The following SGCZ variants were observed in gnomAD, a reference collection of about 807,000 sequenced individuals.
SGCZ encodes the protein sarcoglycan zeta, also known as zeta-sarcoglycan.
In SGCZ, 40 loss-of-function variants were observed where a neutral mutation model predicts 41.3. The ratio of observed to expected loss-of-function variants is 0.97; its 90% CI spans 0.75 to 1.26. The LOEUF (loss-of-function observed/expected upper bound fraction) is 1.26. Among genes scored for constraint, SGCZ ranks in the 50% most tolerant of loss-of-function variants. The pLI is 0.00. For synonymous variants in SGCZ, 206 were observed against 137.5 expected (o/e 1.50, Z -3.49); for missense variants, 552 against 369.8 (o/e 1.49, Z -4.04).
At chr8:14,781,816 T>A (rs1208285744) in intron 1 of SGCZ, among the ~76,000 whole-genome samples, 3 of 152,170 alleles carry the variant, frequency 2.0e-5, no homozygotes, top group Non-Finnish European at 4.4e-5. Flanking sequence ...AACCTATAGT[T>A]GGGCAAAATC....
intron 6 of SGCZ, among the ~76,000 whole-genome samples, chr8:14,104,816 G>A (rs1238880780): frequency 2.6e-5 from 4 of 152,064 alleles, no homozygotes; most frequent in African/African-American, 4.8e-5. Context: ...ATATTTCTGT[G>A]TTAAGCTGTA....
At chr8:14,842,555 G>A (rs1036361639) in intron 1 of SGCZ, among the ~76,000 whole-genome samples, 1 of 151,946 alleles carries the variant, frequency 6.6e-6, no homozygotes, top group Non-Finnish European at 1.5e-5. Flanking sequence ...GAGAGAGAAA[G>A]CAGGGACACA....
chr8:15,066,276 CCGCAG>C (rs1285742954), intron 1 of SGCZ, among the ~76,000 whole-genome samples: 1 of 148,296 alleles, frequency 6.7e-6, no homozygotes, highest in East Asian at 2.0e-4. Context: ...CCACTGCAGT[CCGCAG>C]TCCGGCCTGG....
chr8:15,181,976 A>C (rs1006281158), intron 1 of SGCZ, among the ~76,000 whole-genome samples: 2 of 152,174 alleles, frequency 1.3e-5, no homozygotes, highest in Non-Finnish European at 2.9e-5. Flanking sequence ...AAAAGTCCTC[A>C]AACGATGGTG....
At chr8:15,148,209 A>G (rs1396147048) in intron 1 of SGCZ, among the ~76,000 whole-genome samples, 1 of 152,244 alleles carries the variant, frequency 6.6e-6, no homozygotes, top group Non-Finnish European at 1.5e-5. Context: ...CTTTTTAATT[A>G]AGTGAAGAAA....
intron 1 of SGCZ, among the ~76,000 whole-genome samples, chr8:14,609,265 A>G (rs976556978): frequency 6.6e-6 from 1 of 152,032 alleles, no homozygotes; most frequent in Middle Eastern, 3.2e-3. Flanking sequence ...TTATTTCCTT[A>G]TTAATTCTTT....
At chr8:14,809,333 G>T (rs554962898) in intron 1 of SGCZ, among the ~76,000 whole-genome samples, 1 of 152,094 alleles carries the variant, frequency 6.6e-6, no homozygotes, top group African/African-American at 2.4e-5. Context: ...GATATGCCAG[G>T]ATCATGATGA....
chr8:14,521,181 C>T (rs1387036919), intron 2 of SGCZ, among the ~76,000 whole-genome samples: 1 of 152,130 alleles, frequency 6.6e-6, no homozygotes, highest in Non-Finnish European at 1.5e-5. Flanking sequence ...CCTCACATTG[C>T]CCTTTGCAGC....
intron 2 of SGCZ, among the ~76,000 whole-genome samples, chr8:14,352,086 G>A (rs1213002425): frequency 6.6e-6 from 1 of 152,096 alleles, no homozygotes; most frequent in South Asian, 2.1e-4. Flanking sequence ...ATTCTTTAAT[G>A]AAAGTTAGCT....
chr8:14,448,592 C>A (rs977804789), intron 2 of SGCZ, among the ~76,000 whole-genome samples: 1 of 152,082 alleles, frequency 6.6e-6, no homozygotes, highest in Admixed American at 6.6e-5. Flanking sequence ...TCAGGCACAC[C>A]GACTATTAAT....
chr8:14,396,896 G>C (rs1798935767), intron 2 of SGCZ, among the ~76,000 whole-genome samples: 1 of 152,020 alleles, frequency 6.6e-6, no homozygotes, highest in Non-Finnish European at 1.5e-5. Context: ...GACCAGATTG[G>C]CTTATTGCAG....
In SGCZ at chr8:14,137,413, A is replaced by G. The variant is rs543416603; in HGVS notation, c.547+27167T>C. Among the ~76,000 whole-genome samples, 11 of 152,332 alleles carry G rather than the reference A, an allele frequency of 7.2e-5. No individual in the cohort carries two copies. The South Asian group carries it at 1.9e-3, about 26-fold the overall frequency. On this transcript the variant is annotated intron_variant, in intron 5 of 7. Transcript: ENST00000382080. The stretch of plus-strand genomic sequence containing the variant: ...AAGGAGGATGTTCAAACCCATCACA[A>G]AGAAGCTAAAAACCTTGAAAAAATG...
At chr8:14,630,310 T>A (rs1400154793) in intron 1 of SGCZ, among the ~76,000 whole-genome samples, 1 of 151,888 alleles carries the variant, frequency 6.6e-6, no homozygotes, top group Admixed American at 6.6e-5. Context: ...TTGCCTCTAG[T>A]GGGCTGTTCT....
intron 1 of SGCZ, among the ~76,000 whole-genome samples, chr8:15,098,759 T>TA (rs920018527): frequency 6.6e-6 from 1 of 152,042 alleles, no homozygotes; most frequent in African/African-American, 2.4e-5. Flanking sequence ...CATGAATGAA[T>TA]AAAAAAGTAG....
At chr8:14,331,813 C>T (rs1185601091) in intron 2 of SGCZ, among the ~76,000 whole-genome samples, 1 of 151,510 alleles carries the variant, frequency 6.6e-6, no homozygotes. Context: ...CTTAAGTGCA[C>T]TGGTGTTCCT....
Position 14,088,219 on chromosome 8 carries a change from T to C in SGCZ, c.*2224A>G, listed in dbSNP as rs1801581672. Among the ~76,000 whole-genome samples the C allele has an allele frequency of 6.6e-6, 1 of 151,884 alleles. No homozygotes were observed. The highest frequency in any genetic ancestry group is 1.5e-5 in the Non-Finnish European group (1 of 67,832). On this transcript the variant is annotated 3_prime_UTR_variant, in exon 8 of 8. Transcript: ENST00000382080. ...AGAAAGGAACCCCAAGAGACTATTT[T>C]ATTCAATACTTTTGCTGTGAAGTTG...
chr8:14,603,715 TGTTA>T (rs760221592), intron 1 of SGCZ, among the ~76,000 whole-genome samples: 4 of 152,198 alleles, frequency 2.6e-5, no homozygotes, highest in African/African-American at 4.8e-5. Context: ...TATCTGTTGT[TGTTA>T]ATTTTTCACA....
intron 4 of SGCZ, among the ~76,000 whole-genome samples, chr8:14,209,738 T>C (rs1397387709): frequency 1.3e-5 from 2 of 152,194 alleles, no homozygotes; most frequent in Non-Finnish European, 2.9e-5. Flanking sequence ...GATATGTATA[T>C]ATCAAATTTA....
chr8:14,447,647 C>T (rs1800471031), intron 2 of SGCZ, among the ~76,000 whole-genome samples: 1 of 152,072 alleles, frequency 6.6e-6, no homozygotes, highest in African/African-American at 2.4e-5. Context: ...TATTTACTTG[C>T]ATGATCCACA....
Sources: gnomAD v4.1 joint callset for allele counts (sites outside exome capture counted in the v4.1 genomes callset) on GRCh38, gnomAD v4.1.1 for gene constraint, MANE v1.5 for transcripts, NCBI Gene and HGNC (gene_info 2026-07-23, HGNC 2026-07-21) for gene names.